Variants in FAM216A observed in about 807,000 individuals in gnomAD.
FAM216A encodes family with sequence similarity 216 member A, also known as protein FAM216A.
Under a neutral mutation model 37.6 loss-of-function variants are expected in FAM216A, and 26 were observed. The observed-to-expected ratio is 0.69, with a 90% confidence interval of 0.51 to 0.96. The LOEUF is 0.96. Among genes scored for constraint, FAM216A ranks in the 40% least tolerant of loss-of-function variants. The probability of loss-of-function intolerance (pLI) is 0.00; values close to 1 mark genes in which losing one functional copy is unlikely to be tolerated. For missense variants in FAM216A, 326 were observed against 339.3 expected, an observed-to-expected ratio of 0.96 and a Z score of 0.31; for synonymous variants, 110 against 121.7, an observed-to-expected ratio of 0.90 and a Z score of 0.64.
intron 2 of FAM216A, among the ~76,000 whole-genome samples, chr12:110,479,973 G>C (rs1391186897): frequency 6.6e-6 from 1 of 151,872 alleles, no homozygotes; most frequent in South Asian, 2.1e-4. Flanking sequence ...TCTTGGGTTG[G>C]TTAACTATTT....
At chr12:110,484,620 A>G (rs1000053240) in intron 2 of FAM216A, among the ~76,000 whole-genome samples, 2 of 151,824 alleles carry the variant, frequency 1.3e-5, no homozygotes, top group Non-Finnish European at 2.9e-5. Flanking sequence ...TAAAATATTT[A>G]TTTACAAGTA....
At chr12:110,486,172 T>A in intron 3 of FAM216A, 153 bp from the exon 4 acceptor site, 1 of 757,224 alleles carries the variant, frequency 1.3e-6, no homozygotes, top group East Asian at 2.8e-5. Flanking sequence ...TAATTGGCCA[T>A]TTCTTTCTCT....
At chr12:110,488,594 A>G (rs906064058) in intron 6 of FAM216A, among the ~76,000 whole-genome samples, 6 of 152,120 alleles carry the variant, frequency 3.9e-5, no homozygotes, top group Admixed American at 1.3e-4. Context: ...TTCTTTTATG[A>G]GTTAGTGCTA....
chr12:110,482,093 T>G (rs1469253459), intron 2 of FAM216A, among the ~76,000 whole-genome samples: 1 of 152,090 alleles, frequency 6.6e-6, no homozygotes, highest in African/African-American at 2.4e-5. Context: ...ATACTTTTTT[T>G]TTTTTTGAGA....
At chr12:110,469,074 G>GA in intron 1 of FAM216A, 56 bp downstream of exon 1, 1 of 1,378,458 alleles carries the variant, frequency 7.3e-7, no homozygotes, top group Non-Finnish European at 9.3e-7. Flanking sequence ...GGGTCGTGAG[G>GA]CCCCCGGGTC....
intron 2 of FAM216A, 115 bp downstream of exon 2, chr12:110,473,233 A>C: frequency 2.2e-6 from 1 of 449,744 alleles, no homozygotes; most frequent in Non-Finnish European, 4.0e-6. Flanking sequence ...TTTTTTTGAG[A>C]TGGAGTCTCA....
Position 110,485,117 on chromosome 12 carries a change from C to T in FAM216A, c.224C>T (p.Ala75Val), listed in dbSNP as rs771136874. The T allele has an allele frequency of 1.2e-6, 2 of 1,612,282 alleles. No homozygotes were observed. The highest frequency in any genetic ancestry group is 1.7e-6 in the Non-Finnish European group (2 of 1,179,184). The change falls in exon 3 of 7, where the codon GCT (alanine) becomes GTT (valine). Residue 75 changes from alanine (A) to valine (V), a missense_variant. By Grantham distance (64) the Ala-to-Val change is moderately conservative (BLOSUM62 0). Transcript: ENST00000377673. ...KDGYKVNSHI[A>V]KLQELWKTPQ... Reference sequence around the variant, plus strand: ...GGATACAAAGTGAACTCACACATAGCTAAGCTGCAAGAGTTATGGAAAACT... The same window carrying T: ...GGATACAAAGTGAACTCACACATAGTTAAGCTGCAAGAGTTATGGAAAACT...
At chr12:110,472,685 T>A (rs1399081204) in intron 1 of FAM216A, among the ~76,000 whole-genome samples, 1 of 152,110 alleles carries the variant, frequency 6.6e-6, no homozygotes, top group Non-Finnish European at 1.5e-5. Flanking sequence ...TATCCTTTTT[T>A]AAAATTTGAA....
At position 110,470,121 on chromosome 12, in the gene FAM216A, CAG is replaced by C. The variant is rs576640544; in HGVS notation, c.143+1106_143+1107del. 3.5e-4 allele frequency among the ~76,000 whole-genome samples: 52 copies of C among 148,860 alleles called. 1 individual carries two copies. In the East Asian group the frequency reaches 9.9e-3, roughly 28 times the overall value. On this transcript the variant is annotated intron_variant, in intron 1 of 6. Transcript: ENST00000377673. The stretch of plus-strand genomic sequence containing the variant: ...CCTTTTTGTTTTTTTTTTTTTGAGA[CAG>C]AGTCTCGTTCTGTTGCCCAGGCTGG...
intron 1 of FAM216A, among the ~76,000 whole-genome samples, chr12:110,469,494 T>A (rs1210787081): frequency 6.6e-6 from 1 of 152,070 alleles, no homozygotes; most frequent in South Asian, 2.1e-4. Flanking sequence ...GATTTCTTTT[T>A]CTTTTTTTTT....
chr12:110,480,193 ATTTTTTTTTTTTTTTT>A (rs71083126), intron 2 of FAM216A, among the ~76,000 whole-genome samples: 2 of 30,872 alleles, frequency 6.5e-5, no homozygotes, highest in Admixed American at 5.6e-4. Context: ...CGCCTAGCTA[ATTTTTTTTTTTTTTTT>A]TTTTTTTTTT....
At chr12:110,470,256 G>A (rs944141829) in intron 1 of FAM216A, among the ~76,000 whole-genome samples, 1 of 151,644 alleles carries the variant, frequency 6.6e-6, no homozygotes, top group African/African-American at 2.4e-5. Flanking sequence ...CTGCCACCAC[G>A]CCCGGCTACT....
intron 6 of FAM216A, among the ~76,000 whole-genome samples, chr12:110,488,453 C>T (rs1370632623): frequency 6.7e-6 from 1 of 150,126 alleles, no homozygotes; most frequent in Non-Finnish European, 1.5e-5. Flanking sequence ...AAAGAACATA[C>T]TGCTCAAAAG....
At chr12:110,472,093 G>A (rs564643419) in intron 1 of FAM216A, among the ~76,000 whole-genome samples, 2 of 152,044 alleles carry the variant, frequency 1.3e-5, no homozygotes, top group Non-Finnish European at 2.9e-5. Flanking sequence ...TTAGCCGGGC[G>A]TGGTGGCGGG....
intron 1 of FAM216A, among the ~76,000 whole-genome samples, chr12:110,469,761 CG>C (rs2062670508): frequency 6.6e-6 from 1 of 152,002 alleles, no homozygotes; most frequent in African/African-American, 2.4e-5. Flanking sequence ...CCGCCCGCCT[CG>C]GCCTCCCAAA....
chr12:110,480,736 C>T (rs970519538), intron 2 of FAM216A, among the ~76,000 whole-genome samples: 4 of 152,062 alleles, frequency 2.6e-5, no homozygotes, highest in African/African-American at 9.7e-5. Flanking sequence ...AACTCCGTAC[C>T]TATAAAACAC....
upstream of FAM216A, chr12:110,468,807 A>G (rs2062657773): frequency 6.9e-7 from 1 of 1,457,540 alleles, no homozygotes. Context: ...CGGAGGGGCG[A>G]GAAGCCAGCA....
At chr12:110,472,178 C>T (rs532451417) in intron 1 of FAM216A, among the ~76,000 whole-genome samples, 5 of 151,032 alleles carry the variant, frequency 3.3e-5, no homozygotes, top group African/African-American at 1.2e-4. Flanking sequence ...TTGCAGTGAA[C>T]GGAGATCACG....
upstream of FAM216A, chr12:110,468,723 C>T: frequency 6.7e-7 from 1 of 1,502,616 alleles, no homozygotes; most frequent in Non-Finnish European, 8.9e-7. Context: ...TGCCCCTCCC[C>T]CACCGTAACT....
Sources: gnomAD v4.1 joint callset for allele counts (sites outside exome capture counted in the v4.1 genomes callset) on GRCh38, gnomAD v4.1.1 for gene constraint, MANE v1.5 for transcripts, NCBI Gene and HGNC (gene_info 2026-07-23, HGNC 2026-07-21) for gene names.